BNC2: variants seen among roughly 807,000 people sequenced by gnomAD.
The protein encoded by BNC2 is basonuclin zinc finger protein 2, also known as zinc finger protein basonuclin-2.
In BNC2, 20 loss-of-function variants were observed where a neutral mutation model predicts 76.3. The ratio of observed to expected loss-of-function variants is 0.26; its 90% CI spans 0.18 to 0.38. The LOEUF (loss-of-function observed/expected upper bound fraction) is 0.38. Among genes scored for constraint, BNC2 ranks in the 10% least tolerant of loss-of-function variants. The pLI is 1.00. For synonymous variants in BNC2, 582 were observed against 514.8 expected, an observed-to-expected ratio of 1.13 and a Z score of -1.77; for missense variants, 1,382 against 1,399.8, an observed-to-expected ratio of 0.99 and a Z score of 0.20.
At chr9:16,748,166 G>T (rs1256277034) in intron 1 of BNC2, among the ~76,000 whole-genome samples, 1 of 152,120 alleles carries the variant, frequency 6.6e-6, no homozygotes, top group African/African-American at 2.4e-5. Context: ...AACTGAGGAG[G>T]TAACAAATAC....
intron 3 of BNC2, among the ~76,000 whole-genome samples, chr9:16,629,613 C>T (rs1305630956): frequency 1.3e-5 from 2 of 152,222 alleles, no homozygotes; most frequent in East Asian, 1.9e-4. Context: ...AGGCAAACAT[C>T]GGACGAACTC....
At chr9:16,845,786 A>C (rs1818965848) in intron 1 of BNC2, among the ~76,000 whole-genome samples, 7 of 152,138 alleles carry the variant, frequency 4.6e-5, no homozygotes, top group Admixed American at 4.6e-4. Context: ...CCAGAACACA[A>C]AATGTTCAAG....
At chr9:16,809,362 T>C (rs1057162726) in intron 1 of BNC2, among the ~76,000 whole-genome samples, 2 of 151,556 alleles carry the variant, frequency 1.3e-5, no homozygotes, top group Non-Finnish European at 2.9e-5. Context: ...TTTTTTTTTA[T>C]GGAAAAAAAA....
intron 3 of BNC2, among the ~76,000 whole-genome samples, chr9:16,668,833 T>C (rs532140864): frequency 1.3e-5 from 2 of 152,344 alleles, no homozygotes; most frequent in South Asian, 4.1e-4. Context: ...ACGGTTTTAA[T>C]AGATTCACAG....
At position 16,583,078 on chromosome 9, in the gene BNC2, C is replaced by T. The variant is rs1398184971; in HGVS notation, c.338G>A (p.Arg113His). ...LLFRMSQQAI[R>H]CTLVNCTCEC... ...ACATGTGCAGTTTACCAGTGTGCAACGGATGGCCTGAAAAATAAAGGAGGA... is the reference window on the plus strand; with the variant it reads ...ACATGTGCAGTTTACCAGTGTGCAATGGATGGCCTGAAAAATAAAGGAGGA... Residue 113 changes from arginine (R) to histidine (H), a missense_variant, in exon 4 of 7, where the codon CGT (arginine) becomes CAT (histidine). By Grantham distance (29) the Arg-to-His change is conservative. Coordinates refer to ENST00000380672, the MANE Select transcript of BNC2 (RefSeq NM_017637.6). 9.3e-6 allele frequency: 15 copies of T among 1,613,646 alleles called. No individual in the cohort carries two copies. Among genetic ancestry groups the T allele is most frequent in the Admixed American group, 1.7e-5 (1 of 59,980 alleles).
chr9:16,825,319 C>G (rs1311900684), intron 1 of BNC2, among the ~76,000 whole-genome samples: 1 of 152,138 alleles, frequency 6.6e-6, no homozygotes, highest in Admixed American at 6.5e-5. Flanking sequence ...TATTTCAGTA[C>G]AGTAGAGTTC....
intron 5 of BNC2, among the ~76,000 whole-genome samples, chr9:16,502,975 A>C (rs756353145): frequency 1.2e-4 from 19 of 152,148 alleles, no homozygotes; most frequent in Non-Finnish European, 2.6e-4. Flanking sequence ...ATTGTAACTC[A>C]ATCAATGAAA....
intron 3 of BNC2, among the ~76,000 whole-genome samples, chr9:16,604,807 AAAAAGAAAAG>A (rs549169864): frequency 7.5e-6 from 1 of 133,680 alleles, no homozygotes; most frequent in Non-Finnish European, 1.6e-5. Context: ...CAACTCAAGA[AAAAAGAAAAG>A]AAAAGAAAAG....
intron 3 of BNC2, among the ~76,000 whole-genome samples, chr9:16,671,415 C>G (rs1822474204): frequency 6.6e-6 from 1 of 152,170 alleles, no homozygotes; most frequent in Non-Finnish European, 1.5e-5. Flanking sequence ...GAGAACACAT[C>G]TAGCCTTTCA....
intron 3 of BNC2, among the ~76,000 whole-genome samples, chr9:16,584,483 A>C (rs893814965): frequency 6.6e-6 from 1 of 152,172 alleles, no homozygotes; most frequent in Non-Finnish European, 1.5e-5. Flanking sequence ...TATTGGTTTC[A>C]GATGTTGGAG....
At chr9:16,692,903 G>A (rs1410176524) in intron 3 of BNC2, among the ~76,000 whole-genome samples, 2 of 152,044 alleles carry the variant, frequency 1.3e-5, no homozygotes, top group African/African-American at 4.8e-5. Context: ...GCCAAGGTGG[G>A]TGGATTACCT....
At chr9:16,759,283 T>C (rs1825483035) in intron 1 of BNC2, among the ~76,000 whole-genome samples, 1 of 152,202 alleles carries the variant, frequency 6.6e-6, no homozygotes, top group Admixed American at 6.5e-5. Flanking sequence ...AGGGTCTTTT[T>C]CCACAGAAGT....
chr9:16,432,717 C>G (rs569573324), intron 6 of BNC2, among the ~76,000 whole-genome samples: 1 of 152,200 alleles, frequency 6.6e-6, no homozygotes, highest in South Asian at 2.1e-4. Context: ...GAAACTGAGA[C>G]TCTGGGGAGA....
chr9:16,829,059 A>G (rs960375739), intron 1 of BNC2, among the ~76,000 whole-genome samples: 8 of 152,002 alleles, frequency 5.3e-5, no homozygotes, highest in Admixed American at 5.2e-4. Flanking sequence ...GCACCAGGGG[A>G]CCTGGGGCCT....
chr9:16,759,386 T>A (rs745375081), intron 1 of BNC2, among the ~76,000 whole-genome samples: 46 of 152,362 alleles, frequency 3.0e-4, no homozygotes, highest in Middle Eastern at 3.4e-3. Context: ...TGGTAACTTT[T>A]AAGATTTCAG....
intron 3 of BNC2, among the ~76,000 whole-genome samples, chr9:16,636,796 C>A (rs1821341831): frequency 6.6e-6 from 1 of 152,112 alleles, no homozygotes; most frequent in South Asian, 2.1e-4. Flanking sequence ...CTCACCAGAT[C>A]CTCAAACAAG....
chr9:16,434,754 G>A, intron 6 of BNC2: 1 of 444,782 alleles, frequency 2.2e-6, no homozygotes, highest in East Asian at 7.0e-5. Context: ...TACATAGCAA[G>A]AGTGTGATGT....
At chr9:16,546,790 T>C (rs1256654228) in intron 5 of BNC2, among the ~76,000 whole-genome samples, 1 of 152,292 alleles carries the variant, frequency 6.6e-6, no homozygotes, top group East Asian at 1.9e-4. Context: ...CCACACTGCA[T>C]CTACAGACTC....
At chr9:16,482,459 A>C (rs1288632100) in intron 5 of BNC2, among the ~76,000 whole-genome samples, 1 of 129,358 alleles carries the variant, frequency 7.7e-6, no homozygotes, top group Non-Finnish European at 1.7e-5. Flanking sequence ...AATAGGCAGA[A>C]AAAAAAAACC....
Sources: gnomAD v4.1 joint callset for allele counts (sites outside exome capture counted in the v4.1 genomes callset) on GRCh38, gnomAD v4.1.1 for gene constraint, MANE v1.5 for transcripts, NCBI Gene and HGNC (gene_info 2026-07-23, HGNC 2026-07-21) for gene names.